Variants in IGF2BP2 observed in about 807,000 individuals in gnomAD.
The protein encoded by IGF2BP2 is insulin like growth factor 2 mRNA binding protein 2, also known as insulin-like growth factor 2 mRNA-binding protein 2.
A neutral mutation model predicts 75.8 loss-of-function variants in IGF2BP2; 17 were observed. The ratio of observed to expected loss-of-function variants is 0.22; its 90% CI spans 0.15 to 0.34. The LOEUF is 0.34. Among genes scored for constraint, IGF2BP2 ranks in the 10% least tolerant of loss-of-function variants. IGF2BP2 has a pLI of 1.00. For synonymous variants in IGF2BP2, 288 were observed against 295.6 expected (o/e 0.97, Z 0.26); for missense variants, 516 against 772.4 (o/e 0.67, Z 3.93).
chr3:185,729,773 A>C (rs1328367637), intron 2 of IGF2BP2: 1 of 152,192 alleles, frequency 6.6e-6, no homozygotes, highest in African/African-American at 2.4e-5. Context: ...CTATTAAAAT[A>C]CTCTTTGCCA....
At chr3:185,762,068 G>A (rs1326356480) in intron 2 of IGF2BP2, among the ~76,000 whole-genome samples, 2 of 152,084 alleles carry the variant, frequency 1.3e-5, no homozygotes, top group East Asian at 3.9e-4. Context: ...GTTGGGTGGT[G>A]TGGGTGTTAG....
chr3:185,732,991 T>C (rs1578137596), intron 2 of IGF2BP2, among the ~76,000 whole-genome samples: 1 of 152,328 alleles, frequency 6.6e-6, no homozygotes, highest in East Asian at 1.9e-4. Flanking sequence ...TCTCTTATCC[T>C]GTTGTTCATC....
At chr3:185,716,106 A>G (rs547792630) in intron 2 of IGF2BP2, among the ~76,000 whole-genome samples, 4 of 152,186 alleles carry the variant, frequency 2.6e-5, no homozygotes, top group African/African-American at 9.6e-5. Flanking sequence ...TAACAAATAG[A>G]TCCATTAAAT....
chr3:185,797,897 TAAAAAAAAAAAA>T (rs35850351), intron 2 of IGF2BP2, among the ~76,000 whole-genome samples: 1 of 90,366 alleles, frequency 1.1e-5, no homozygotes, highest in Non-Finnish European at 2.1e-5. Flanking sequence ...CCCTGTCTCT[TAAAAAAAAAAAA>T]AAAAAAAAAA....
chr3:185,744,326 A>C (rs1428971336), intron 2 of IGF2BP2, among the ~76,000 whole-genome samples: 5 of 152,172 alleles, frequency 3.3e-5, no homozygotes, highest in Non-Finnish European at 5.9e-5. Context: ...TATTCACTTT[A>C]TACTCATTCA....
chr3:185,773,467 T>C (rs1734146338), intron 2 of IGF2BP2, among the ~76,000 whole-genome samples: 1 of 152,222 alleles, frequency 6.6e-6, no homozygotes, highest in Admixed American at 6.5e-5. Context: ...TATACATGAA[T>C]AGATAATTTT....
chr3:185,725,693 T>C (rs190216689), intron 2 of IGF2BP2, among the ~76,000 whole-genome samples: 10 of 152,316 alleles, frequency 6.6e-5, no homozygotes, highest in African/African-American at 2.4e-4. Context: ...AGGACTAGGC[T>C]GGCTGTGGTG....
intron 2 of IGF2BP2, among the ~76,000 whole-genome samples, chr3:185,777,404 T>TTCCTG (rs1578267275): frequency 1.3e-5 from 2 of 152,188 alleles, no homozygotes; most frequent in East Asian, 3.9e-4. Flanking sequence ...TTCAGGAGGA[T>TTCCTG]GGCTTGGGCC....
At chr3:185,778,709 C>T (rs945688894) in intron 2 of IGF2BP2, among the ~76,000 whole-genome samples, 4 of 152,196 alleles carry the variant, frequency 2.6e-5, no homozygotes, top group African/African-American at 9.7e-5. Flanking sequence ...AGGTCATTTA[C>T]ATTTTTGGTG....
chr3:185,688,136 C>T (rs1721407251), intron 6 of IGF2BP2, among the ~76,000 whole-genome samples: 1 of 152,132 alleles, frequency 6.6e-6, no homozygotes, highest in Admixed American at 6.5e-5. Flanking sequence ...ATAAATAAGA[C>T]ATTCTGAAGA....
intron 2 of IGF2BP2, among the ~76,000 whole-genome samples, chr3:185,763,407 C>T (rs867863516): frequency 5.9e-5 from 9 of 152,236 alleles, no homozygotes; most frequent in Non-Finnish European, 1.3e-4. Context: ...ATTTCTCCTG[C>T]GACTTAAGCA....
chr3:185,809,387 C>T (rs936596055), intron 2 of IGF2BP2, among the ~76,000 whole-genome samples: 8 of 152,156 alleles, frequency 5.3e-5, no homozygotes, highest in African/African-American at 1.7e-4. Flanking sequence ...TTCTTTGCAG[C>T]CAGCCTTATG....
At chr3:185,721,054 C>T (rs1726453524) in intron 2 of IGF2BP2, among the ~76,000 whole-genome samples, 1 of 152,138 alleles carries the variant, frequency 6.6e-6, no homozygotes, top group Admixed American at 6.5e-5. Flanking sequence ...CTCATAAATG[C>T]CACCTCCTGT....
intron 4 of IGF2BP2, among the ~76,000 whole-genome samples, chr3:185,693,558 A>G (rs572848522): frequency 1.4e-3 from 209 of 152,332 alleles, no homozygotes; most frequent in Admixed American, 2.5e-3. Context: ...TATAAACTCT[A>G]TGATTGGCTA....
At chr3:185,708,207 T>C (rs1346720901) in intron 2 of IGF2BP2, among the ~76,000 whole-genome samples, 1 of 152,232 alleles carries the variant, frequency 6.6e-6, no homozygotes, top group Non-Finnish European at 1.5e-5. Flanking sequence ...ACTTGTGGTC[T>C]CTATATATTT....
At chr3:185,753,646 C>T (rs1731229523) in intron 2 of IGF2BP2, among the ~76,000 whole-genome samples, 1 of 152,158 alleles carries the variant, frequency 6.6e-6, no homozygotes, top group African/African-American at 2.4e-5. Flanking sequence ...TCTCTTCAAA[C>T]CCACCTCCCC....
intron 2 of IGF2BP2, among the ~76,000 whole-genome samples, chr3:185,810,277 C>T (rs1354328739): frequency 1.3e-5 from 2 of 152,142 alleles, no homozygotes; most frequent in African/African-American, 2.4e-5. Context: ...AGTTTCCTTT[C>T]GTTTAGCCTT....
intron 2 of IGF2BP2, among the ~76,000 whole-genome samples, chr3:185,746,784 G>A (rs1730305322): frequency 6.6e-6 from 1 of 152,192 alleles, no homozygotes; most frequent in African/African-American, 2.4e-5. Context: ...TCCTGTAGAA[G>A]TTATCGGAGC....
At chr3:185,736,686 G>A (rs566196707) in intron 2 of IGF2BP2, among the ~76,000 whole-genome samples, 2 of 152,320 alleles carry the variant, frequency 1.3e-5, no homozygotes, top group South Asian at 4.1e-4. Flanking sequence ...ATGCAGGTGG[G>A]GAATCAGTCA....
Sources: allele counts gnomAD v4.1 joint callset (sites outside exome capture counted in the v4.1 genomes callset), GRCh38; gene constraint gnomAD v4.1.1; transcripts MANE v1.5; gene names NCBI Gene and HGNC (gene_info 2026-07-23, HGNC 2026-07-21).